NR6A1: variants seen among roughly 807,000 people sequenced by gnomAD.
The protein encoded by NR6A1 is nuclear receptor subfamily 6 group A member 1, also known as retinoic acid receptor-related testis-associated receptor.
NR6A1 carries 7 observed loss-of-function variants against 59.1 expected under a neutral mutation model. That is an observed-to-expected ratio of 0.12 (90% CI 0.07 to 0.22). The LOEUF is 0.22. Ranked by LOEUF, NR6A1 falls within the 10% of genes least tolerant of loss-of-function variation. NR6A1 has a pLI of 1.00. For synonymous variants in NR6A1, 243 were observed against 236.1 expected (o/e 1.03, Z -0.27); for missense variants, 468 against 611.6 (o/e 0.77, Z 2.48).
intron 1 of NR6A1, among the ~76,000 whole-genome samples, chr9:124,760,951 G>A (rs920407786): frequency 6.6e-6 from 1 of 152,218 alleles, no homozygotes; most frequent in African/African-American, 2.4e-5. Flanking sequence ...ATGTCAATGG[G>A]GGGCTTCCCC....
At chr9:124,637,712 G>A (rs894538635) in intron 2 of NR6A1, among the ~76,000 whole-genome samples, 4 of 151,940 alleles carry the variant, frequency 2.6e-5, no homozygotes, top group Admixed American at 2.0e-4. Flanking sequence ...CCAACATGGT[G>A]AAACCCCATC....
intron 2 of NR6A1, among the ~76,000 whole-genome samples, chr9:124,630,263 T>A (rs1230300580): frequency 7.1e-6 from 1 of 141,644 alleles, no homozygotes; most frequent in Non-Finnish European, 1.5e-5. Flanking sequence ...TTGCCCAGGC[T>A]GGAGTGCAAT....
At chr9:124,586,731 A>G (rs972211255) in intron 2 of NR6A1, among the ~76,000 whole-genome samples, 2 of 152,142 alleles carry the variant, frequency 1.3e-5, no homozygotes, top group Non-Finnish European at 2.9e-5. Context: ...TTACAGGTGC[A>G]AGCCACCACA....
At chr9:124,631,242 G>T (rs146647239) in intron 2 of NR6A1, among the ~76,000 whole-genome samples, 37 of 152,198 alleles carry the variant, frequency 2.4e-4, no homozygotes, top group African/African-American at 8.4e-4. Flanking sequence ...AAGTAGTGAA[G>T]ATTTATTTAT....
chr9:124,534,433 T>C (rs1833192691), intron 7 of NR6A1, among the ~76,000 whole-genome samples: 1 of 152,154 alleles, frequency 6.6e-6, no homozygotes, highest in Non-Finnish European at 1.5e-5. Context: ...TCTGTCTTGA[T>C]TTTAGGGGTC....
At chr9:124,552,976 A>G (rs1833819203) in intron 3 of NR6A1, among the ~76,000 whole-genome samples, 1 of 152,314 alleles carries the variant, frequency 6.6e-6, no homozygotes, top group African/African-American at 2.4e-5. Context: ...ATAGTTCACT[A>G]TATCTGACTA....
intron 1 of NR6A1, among the ~76,000 whole-genome samples, chr9:124,739,187 CAAAAAA>C (rs914049465): frequency 1.2e-5 from 1 of 80,476 alleles, no homozygotes; most frequent in Non-Finnish European, 2.6e-5. Flanking sequence ...GACTCCATCT[CAAAAAA>C]AAAAAAAAAA....
intron 7 of NR6A1, among the ~76,000 whole-genome samples, chr9:124,535,404 C>T (rs1833228601): frequency 6.6e-6 from 1 of 151,992 alleles, no homozygotes; most frequent in Non-Finnish European, 1.5e-5. Flanking sequence ...ATGGTGAAAC[C>T]TCGTCTCTAC....
At chr9:124,622,757 TA>T (rs71492417) in intron 2 of NR6A1, among the ~76,000 whole-genome samples, 1,682 of 147,384 alleles carry the variant, frequency 0.011, 30 homozygotes, top group African/African-American at 0.039. Flanking sequence ...TGGAAAACCT[TA>T]AAAAAAAAAG....
chr9:124,555,433 A>G (rs1833895100), intron 2 of NR6A1, among the ~76,000 whole-genome samples: 2 of 152,140 alleles, frequency 1.3e-5, no homozygotes, highest in Non-Finnish European at 1.5e-5. Context: ...CTCCTGAGTA[A>G]GAGGGAAGGT....
intron 2 of NR6A1, among the ~76,000 whole-genome samples, chr9:124,673,148 T>C (rs1270057009): frequency 6.6e-6 from 1 of 151,874 alleles, no homozygotes; most frequent in African/African-American, 2.4e-5. Flanking sequence ...ATGGCAAAAC[T>C]CCATCTCCAG....
intron 2 of NR6A1, among the ~76,000 whole-genome samples, chr9:124,676,532 C>A (rs1837966987): frequency 6.6e-6 from 1 of 152,038 alleles, no homozygotes; most frequent in African/African-American, 2.4e-5. Context: ...AATGACAAAG[C>A]CATACTGCCA....
intron 2 of NR6A1, among the ~76,000 whole-genome samples, chr9:124,643,495 G>A (rs890825692): frequency 1.3e-5 from 2 of 151,936 alleles, no homozygotes; most frequent in Non-Finnish European, 2.9e-5. Flanking sequence ...AGGTACTCGG[G>A]AGGTTGAGGT....
At position 124,521,587 on chromosome 9, in the gene NR6A1, GA is replaced by G. The variant is rs1349188531; in HGVS notation, c.*1117del. On this transcript the variant is annotated 3_prime_UTR_variant, in exon 10 of 10. Transcript: ENST00000487099. Reference sequence around the variant, plus strand: ...TCCTTCTCATTGTTTAAAAAAGCCTGAAGTTTTCGGATTTAGACCTGAGGGT... The same window carrying G: ...TCCTTCTCATTGTTTAAAAAAGCCTGAGTTTTCGGATTTAGACCTGAGGGT... 2.6e-5 allele frequency: 4 copies of G among 152,256 alleles called. No homozygotes were observed. The highest frequency in any genetic ancestry group is 4.4e-5 in the Non-Finnish European group (3 of 68,072). The allele number at this position is 152,256 out of a possible 1,614,324, so 9.4% of individuals were successfully genotyped here.
chr9:124,692,854 C>T (rs1364377155), intron 2 of NR6A1, among the ~76,000 whole-genome samples: 3 of 152,160 alleles, frequency 2.0e-5, no homozygotes, highest in Non-Finnish European at 4.4e-5. Context: ...ATTAAAAATA[C>T]GTATTTTGTT....
intron 2 of NR6A1, among the ~76,000 whole-genome samples, chr9:124,721,263 T>C (rs937159885): frequency 2.6e-5 from 4 of 152,168 alleles, no homozygotes; most frequent in Non-Finnish European, 5.9e-5. Context: ...CTCGGCTCCA[T>C]AGGGAGTCCC....
intron 9 of NR6A1, among the ~76,000 whole-genome samples, chr9:124,523,816 CTTTCTCCAGAATTTTTAT>C (rs946916143): frequency 1.8e-4 from 27 of 152,088 alleles, no homozygotes; most frequent in African/African-American, 6.5e-4. Context: ...AATCGTATTG[CTTTCTCCAGAATTTTTAT>C]GTTGAATTAA....
At chr9:124,757,155 C>T (rs1256084273) in intron 1 of NR6A1, among the ~76,000 whole-genome samples, 2 of 151,986 alleles carry the variant, frequency 1.3e-5, no homozygotes, top group African/African-American at 4.8e-5. Context: ...CAAGGTATCT[C>T]AGTGTAAATT....
At chr9:124,571,943 G>A (rs1238449744) in intron 2 of NR6A1, among the ~76,000 whole-genome samples, 1 of 151,968 alleles carries the variant, frequency 6.6e-6, no homozygotes, top group East Asian at 1.9e-4. Context: ...AATTGACTAT[G>A]ACAGACCTTA....
Sources: gnomAD v4.1 joint callset for allele counts (sites outside exome capture counted in the v4.1 genomes callset) on GRCh38, gnomAD v4.1.1 for gene constraint, MANE v1.5 for transcripts, NCBI Gene and HGNC (gene_info 2026-07-23, HGNC 2026-07-21) for gene names.